Variants in SEL1L observed in about 807,000 individuals in gnomAD.
SEL1L encodes the protein SEL1L adaptor subunit of SYVN1 ubiquitin ligase, also known as protein sel-1 homolog 1.
A neutral mutation model predicts 109.8 loss-of-function variants in SEL1L; 52 were observed. That is an observed-to-expected ratio of 0.47 (90% CI 0.38 to 0.60). The LOEUF is 0.60. Ranked by LOEUF, SEL1L falls within the 20% of genes least tolerant of loss-of-function variation. The probability of loss-of-function intolerance (pLI) is 0.00; values close to 1 mark genes in which losing one functional copy is unlikely to be tolerated. For synonymous variants in SEL1L, 373 were observed against 339.6 expected (o/e 1.10, Z -1.08); for missense variants, 749 against 962.2 (o/e 0.78, Z 2.93).
At chr14:81,505,102 G>T (rs1487697358) in intron 4 of SEL1L, among the ~76,000 whole-genome samples, 1 of 152,164 alleles carries the variant, frequency 6.6e-6, no homozygotes, top group East Asian at 1.9e-4. Context: ...GAACACAGTA[G>T]TCAGAAAAAT....
At chr14:81,500,710 C>A (rs562013179) in intron 6 of SEL1L, among the ~76,000 whole-genome samples, 3 of 152,142 alleles carry the variant, frequency 2.0e-5, no homozygotes, top group Admixed American at 1.3e-4. Context: ...AAGGAATACA[C>A]TATGAAAACA....
intron 15 of SEL1L, 35 bp downstream of exon 15, chr14:81,487,820 T>A (rs745351204): frequency 6.2e-7 from 1 of 1,609,106 alleles, no homozygotes; most frequent in African/African-American, 1.3e-5. Flanking sequence ...AATTTAGATC[T>A]TGGTGTATCC....
chr14:81,484,510 T>C (rs1482571050), intron 18 of SEL1L, 113 bp from the exon 19 acceptor site: 3 of 1,009,306 alleles, frequency 3.0e-6, no homozygotes, highest in Non-Finnish European at 4.3e-6. Flanking sequence ...TTTTAATTCA[T>C]AGTACACAAA....
intron 20 of SEL1L, among the ~76,000 whole-genome samples, chr14:81,477,736 C>T (rs1402247389): frequency 1.3e-5 from 2 of 152,146 alleles, no homozygotes; most frequent in Non-Finnish European, 2.9e-5. Context: ...TTGCCTGAAC[C>T]CAGGAGGTGG....
At chr14:81,510,684 T>A (rs572031526) in intron 3 of SEL1L, among the ~76,000 whole-genome samples, 2 of 152,176 alleles carry the variant, frequency 1.3e-5, no homozygotes, top group Non-Finnish European at 2.9e-5. Context: ...ACAGTTTACA[T>A]AGGTGATATT....
At position 81,484,213 on chromosome 14, in the gene SEL1L, A is replaced by C; in HGVS notation, c.2046+12T>G. 2 of 1,590,426 alleles carry C rather than the reference A, an allele frequency of 1.3e-6. No homozygotes were observed. The highest frequency in any genetic ancestry group is 1.7e-6 in the Non-Finnish European group (2 of 1,161,382). ...ATTATGTGATTCAAACGTGTTTGGA[A>C]GCCACACTCACCTGTTTAATGCCCA... On this transcript the variant is annotated intron_variant, in intron 19 of 20. Transcript: ENST00000336735.
At chr14:81,532,215 G>A (rs1201232652) in intron 1 of SEL1L, among the ~76,000 whole-genome samples, 4 of 152,150 alleles carry the variant, frequency 2.6e-5, no homozygotes, top group Non-Finnish European at 5.9e-5. Context: ...AAATTCAGAG[G>A]GATACACACC....
At chr14:81,510,508 C>CTG (rs1341079977) in intron 3 of SEL1L, among the ~76,000 whole-genome samples, 3 of 116,412 alleles carry the variant, frequency 2.6e-5, no homozygotes, top group African/African-American at 1.0e-4. Context: ...CTCTCTCTCT[C>CTG]TCTCTCTATA....
intron 19 of SEL1L, among the ~76,000 whole-genome samples, chr14:81,481,134 G>A (rs1290894801): frequency 5.3e-5 from 8 of 152,178 alleles, no homozygotes; most frequent in Admixed American, 5.2e-4. Context: ...TTTCTGTAAA[G>A]GGTGAAACCA....
At chr14:81,498,168 C>T (rs1238512603) in intron 9 of SEL1L, 122 bp from the exon 10 acceptor site, 1 of 1,038,422 alleles carries the variant, frequency 9.6e-7, no homozygotes, top group African/African-American at 1.6e-5. Flanking sequence ...GCTGTTTTTA[C>T]AGTAGTCTAT....
rs145651689 is a variant in SEL1L, at chr14:81,497,982, C to T, written c.1038G>A (p.Val346=). The part of the protein sequence containing the change: ...VVQRIRLPDE[V]ENPGMNSGML... ...TTCCACTGTTCATTCCTGGATTTTCCACTTCATCAGGCAGCCGTATTCTCT... is the reference window on the plus strand; with the variant it reads ...TTCCACTGTTCATTCCTGGATTTTCTACTTCATCAGGCAGCCGTATTCTCT... Residue 346 remains valine (V), a synonymous_variant, in exon 10 of 21, where the codon GTG becomes GTA. Transcript: ENST00000336735. The T allele has an allele frequency of 1.5e-4, 247 of 1,613,972 alleles. No homozygotes were observed. In the African/African-American group the frequency reaches 2.8e-3, roughly 19 times the overall value.
At position 81,475,874 on chromosome 14, in the gene SEL1L, T is replaced by A. The variant is rs17847455; in HGVS notation, c.*1098A>T. ...AAGATACCTGAATAGTATAGAACAG[T>A]ACAAACAGGTTTTGGCTTTCATCAA... On this transcript the variant is annotated 3_prime_UTR_variant, in exon 21 of 21. Coordinates refer to ENST00000336735, the MANE Select transcript of SEL1L (RefSeq NM_005065.6). 1.3e-5 allele frequency: 2 copies of A among 152,264 alleles called. No individual in the cohort carries two copies. The highest frequency in any genetic ancestry group is 3.9e-4 in the East Asian group (2 of 5,184). The allele number at this position is 152,264 out of a possible 1,614,324, so 9.4% of individuals were successfully genotyped here.
At chr14:81,478,255 T>C (rs1231294000) in intron 20 of SEL1L, among the ~76,000 whole-genome samples, 1 of 152,158 alleles carries the variant, frequency 6.6e-6, no homozygotes, top group Non-Finnish European at 1.5e-5. Context: ...AACCACTAAT[T>C]GTGTTCTCTG....
At chr14:81,501,043 G>A (rs1301660103) in intron 6 of SEL1L, among the ~76,000 whole-genome samples, 2 of 152,168 alleles carry the variant, frequency 1.3e-5, no homozygotes, top group African/African-American at 2.4e-5. Flanking sequence ...CATGCCTGGG[G>A]TATGGCTGTC....
chr14:81,501,821 T>G (rs1353140546), intron 6 of SEL1L, among the ~76,000 whole-genome samples: 1 of 152,110 alleles, frequency 6.6e-6, no homozygotes, highest in East Asian at 1.9e-4. Flanking sequence ...CCTTGTAATG[T>G]AGTCTAGCCA....
At chr14:81,518,395 C>T (rs1479015547) in intron 3 of SEL1L, among the ~76,000 whole-genome samples, 1 of 151,626 alleles carries the variant, frequency 6.6e-6, no homozygotes, top group Non-Finnish European at 1.5e-5. Context: ...TGCGGTGGCT[C>T]ACTCCTGTAA....
intron 3 of SEL1L, among the ~76,000 whole-genome samples, chr14:81,518,923 CA>C (rs958382955): frequency 1.3e-5 from 2 of 152,110 alleles, no homozygotes; most frequent in African/African-American, 4.8e-5. Flanking sequence ...AAAAAACAGA[CA>C]TAAACTTCTC....
At chr14:81,516,983 T>C (rs1428970669) in intron 3 of SEL1L, among the ~76,000 whole-genome samples, 6 of 152,196 alleles carry the variant, frequency 3.9e-5, no homozygotes, top group African/African-American at 1.4e-4. Flanking sequence ...TACCAAATCA[T>C]TAAACCTGGG....
chr14:81,533,829 G>T lies in SEL1L; in HGVS notation c.-85C>A. 2.2e-6 allele frequency: 3 copies of T among 1,357,374 alleles called. No homozygotes were observed. Among genetic ancestry groups the T allele is most frequent in the Non-Finnish European group, 1.0e-6 (1 of 968,064 alleles). The allele number at this position is 1,357,374 out of a possible 1,614,324, so 84.1% of individuals were successfully genotyped here. On this transcript the variant is annotated 5_prime_UTR_variant, in exon 1 of 21. Transcript: ENST00000336735. ...ACTCAGCCACCACCGCCGCCTCGCC[G>T]CTGCTCTTCCTGCTCTAGTCTCCTT...
Sources: gnomAD v4.1 joint callset for allele counts (sites outside exome capture counted in the v4.1 genomes callset) on GRCh38, gnomAD v4.1.1 for gene constraint, MANE v1.5 for transcripts, NCBI Gene and HGNC (gene_info 2026-07-23, HGNC 2026-07-21) for gene names.